CCSER1: variants seen among roughly 807,000 people sequenced by gnomAD.
CCSER1 encodes the protein serine-rich coiled-coil domain-containing protein 1.
CCSER1 carries 41 observed loss-of-function variants against 82.0 expected under a neutral mutation model. The ratio of observed to expected loss-of-function variants is 0.50; its 90% confidence interval spans 0.39 to 0.65. The LOEUF (loss-of-function observed/expected upper bound fraction) is 0.65, where lower values mean the gene tolerates loss of function less well. Ranked by LOEUF, CCSER1 falls within the 30% of genes least tolerant of loss-of-function variation. The pLI, the probability that CCSER1 is intolerant of heterozygous loss-of-function variation, is 0.00. For synonymous variants in CCSER1, 414 were observed against 383.9 expected (o/e 1.08, Z -0.92); for missense variants, 1,119 against 1,064.2 (o/e 1.05, Z -0.72).
At chr4:91,441,064 C>G (rs1216749517) in intron 10 of CCSER1, among the ~76,000 whole-genome samples, 1 of 152,020 alleles carries the variant, frequency 6.6e-6, no homozygotes, top group Admixed American at 6.6e-5. Flanking sequence ...GGTACCATTC[C>G]TTCTGAAACT....
At chr4:90,535,414 A>G (rs1018255884) in intron 5 of CCSER1, among the ~76,000 whole-genome samples, 8 of 152,172 alleles carry the variant, frequency 5.3e-5, no homozygotes, top group Admixed American at 5.2e-4. Context: ...GTGGAACCCC[A>G]TTAATACAAA....
At chr4:91,378,887 T>C (rs2040206028) in intron 10 of CCSER1, among the ~76,000 whole-genome samples, 1 of 152,296 alleles carries the variant, frequency 6.6e-6, no homozygotes, top group African/African-American at 2.4e-5. Flanking sequence ...GGCTGTGGGT[T>C]TGCCATAGAT....
rs182694091 is a variant in CCSER1 at position 91,543,136 on chromosome 4, T to A, written c.2218-55436T>A. 1.7e-3 allele frequency among the ~76,000 whole-genome samples: 260 copies of A among 152,280 alleles called. 1 individual carries two copies. The highest frequency in any genetic ancestry group is 5.7e-3 in the African/African-American group (236 of 41,552). On this transcript the variant is annotated intron_variant, in intron 10 of 10. Transcript: ENST00000509176. Reference sequence around the variant, plus strand: ...CTAGGATTGCAACCCCTGCCTTTTTTTGTTTTCCATTTGCTTGGTAGATCT... The same window carrying A: ...CTAGGATTGCAACCCCTGCCTTTTTATGTTTTCCATTTGCTTGGTAGATCT...
At chr4:90,411,962 T>C (rs182591912) in intron 4 of CCSER1, among the ~76,000 whole-genome samples, 1 of 152,100 alleles carries the variant, frequency 6.6e-6, no homozygotes, top group Admixed American at 6.6e-5. Context: ...ATCACAGGCA[T>C]TCTTATACAC....
intron 9 of CCSER1, among the ~76,000 whole-genome samples, chr4:90,991,618 A>G (rs532854648): frequency 6.6e-6 from 1 of 152,050 alleles, no homozygotes; most frequent in African/African-American, 2.4e-5. Flanking sequence ...GATCTCAGTC[A>G]TATTGAACTA....
At chr4:90,285,090 C>A (rs114943336) in intron 1 of CCSER1, among the ~76,000 whole-genome samples, 1,822 of 152,030 alleles carry the variant, frequency 0.012, 45 homozygotes, top group African/African-American at 0.042. Flanking sequence ...GCAATTGCTC[C>A]AGTTTTGTTC....
intron 1 of CCSER1, among the ~76,000 whole-genome samples, chr4:90,281,471 A>G (rs901174708): frequency 6.6e-6 from 1 of 152,146 alleles, no homozygotes; most frequent in African/African-American, 2.4e-5. Context: ...GTGCACATGT[A>G]CCCCTGAAGC....
chr4:90,600,631 G>A (rs761130739), intron 5 of CCSER1, among the ~76,000 whole-genome samples: 1 of 151,866 alleles, frequency 6.6e-6, no homozygotes, highest in African/African-American at 2.4e-5. Context: ...TCTCTGAATG[G>A]TGTCTTGAAA....
At position 91,331,551 on chromosome 4, in the gene CCSER1, A is replaced by G. The variant is rs553470026; in HGVS notation, c.2217+245557A>G. 2.6e-5 allele frequency among the ~76,000 whole-genome samples: 4 copies of G among 152,164 alleles called. No individual in the cohort carries two copies. In the South Asian group the frequency reaches 8.3e-4, roughly 32 times the overall value. ...TTGACCTTACCCTCTTTACCTTTCT[A>G]GTTAATTCCTATTTATTTTTCAGAT... On this transcript the variant is annotated intron_variant, in intron 10 of 10. Transcript: ENST00000509176.
At chr4:90,799,112 C>T (rs1172785483) in intron 7 of CCSER1, among the ~76,000 whole-genome samples, 1 of 152,070 alleles carries the variant, frequency 6.6e-6, no homozygotes, top group African/African-American at 2.4e-5. Context: ...TCTCTGTTGG[C>T]AACTGTGTGT....
intron 10 of CCSER1, among the ~76,000 whole-genome samples, chr4:91,261,907 C>G (rs1741215240): frequency 6.6e-6 from 1 of 151,928 alleles, no homozygotes. Context: ...TAATCTTCTC[C>G]TGAGTAATCT....
chr4:90,658,290 G>T (rs1021981958), intron 6 of CCSER1, among the ~76,000 whole-genome samples: 1 of 152,094 alleles, frequency 6.6e-6, no homozygotes, highest in Admixed American at 6.5e-5. Flanking sequence ...TCTGCAGAAA[G>T]GATTTACTTT....
chr4:90,673,471 A>G (rs1196761108), intron 6 of CCSER1, among the ~76,000 whole-genome samples: 2 of 151,970 alleles, frequency 1.3e-5, no homozygotes, highest in Non-Finnish European at 1.5e-5. Flanking sequence ...CTTATCCCCA[A>G]ACTTAAAATA....
intron 10 of CCSER1, among the ~76,000 whole-genome samples, chr4:91,190,649 A>G (rs1236641162): frequency 1.3e-5 from 2 of 152,226 alleles, no homozygotes; most frequent in African/African-American, 2.4e-5. Flanking sequence ...GACTGTATGC[A>G]TATGCCTTTC....
chr4:90,822,277 T>C (rs924650333), intron 8 of CCSER1, among the ~76,000 whole-genome samples: 16 of 152,226 alleles, frequency 1.1e-4, no homozygotes, highest in African/African-American at 3.6e-4. Context: ...TTTGTATGGA[T>C]AATCACATTA....
chr4:90,819,884 G>C (rs1014467220), intron 8 of CCSER1, among the ~76,000 whole-genome samples: 1 of 152,198 alleles, frequency 6.6e-6, no homozygotes, highest in Non-Finnish European at 1.5e-5. Context: ...GATATTAAAT[G>C]TTAGAATATT....
chr4:90,596,262 ATTAT>A (rs1223407020), intron 5 of CCSER1, among the ~76,000 whole-genome samples: 8 of 152,050 alleles, frequency 5.3e-5, no homozygotes, highest in African/African-American at 1.4e-4. Context: ...ATCAAGTCAA[ATTAT>A]TTATGATCAT....
At chr4:90,713,883 CA>C (rs1561000316) in intron 6 of CCSER1, among the ~76,000 whole-genome samples, 2 of 151,896 alleles carry the variant, frequency 1.3e-5, no homozygotes, top group Admixed American at 1.3e-4. Flanking sequence ...TGTCTTATTT[CA>C]AAAAGATAGT....
At chr4:91,598,079 T>C (rs1428333468) in intron 10 of CCSER1, among the ~76,000 whole-genome samples, 3 of 152,204 alleles carry the variant, frequency 2.0e-5, no homozygotes, top group Non-Finnish European at 4.4e-5. Context: ...TGTGTGTTTT[T>C]AGTTCCTTTA....
Sources: allele counts gnomAD v4.1 joint callset (sites outside exome capture counted in the v4.1 genomes callset), GRCh38; gene constraint gnomAD v4.1.1; transcripts MANE v1.5; gene names NCBI Gene and HGNC (gene_info 2026-07-23, HGNC 2026-07-21).